TMED3: variants seen among roughly 807,000 people sequenced by gnomAD.
TMED3 encodes the protein transmembrane emp24 domain-containing protein 3.
In TMED3, 9 loss-of-function variants were observed where a neutral mutation model predicts 15.0. That is an observed-to-expected ratio of 0.60 (90% confidence interval 0.36 to 1.04). TMED3 has a LOEUF of 1.04. Among genes scored for constraint, TMED3 ranks in the 50% least tolerant of loss-of-function variants. The probability of loss-of-function intolerance (pLI) is 0.01; values close to 1 mark genes in which losing one functional copy is unlikely to be tolerated. For missense variants in TMED3, 267 were observed against 278.9 expected, an observed-to-expected ratio of 0.96 and a Z score of 0.30; for synonymous variants, 117 against 121.4, an observed-to-expected ratio of 0.96 and a Z score of 0.24.
chr15:79,311,160 T>G lies in TMED3; in HGVS notation c.-90T>G. 1 of 1,405,612 alleles carries G rather than the reference T, an allele frequency of 7.1e-7. No homozygotes were observed. The highest frequency in any genetic ancestry group is 9.4e-7 in the Non-Finnish European group (1 of 1,061,230). The allele number at this position is 1,405,612 out of a possible 1,614,324, so 87.1% of individuals were successfully genotyped here. On this transcript the variant is annotated 5_prime_UTR_variant, in exon 1 of 3. Transcript: ENST00000299705. ...CTGGTGCCACGTCTATCCCCTTACA[T>G]CCTCCTAGGACCCGGTCGGTAGTCG...
At chr15:79,314,579 G>T in intron 2 of TMED3, 1 of 455,490 alleles carries the variant, frequency 2.2e-6, no homozygotes, top group South Asian at 1.5e-5. Context: ...CAAAGGAAGA[G>T]AGAATGAGAA....
intron 2 of TMED3, among the ~76,000 whole-genome samples, chr15:79,388,295 A>G (rs1458767676): frequency 2.0e-5 from 3 of 152,154 alleles, no homozygotes; most frequent in Admixed American, 6.5e-5. Flanking sequence ...TTTTATTCCA[A>G]GTATACTAAG....
In TMED3 at chr15:79,314,048, G is replaced by A. The variant is rs372015420; in HGVS notation, c.417+43G>A. The A allele has an allele frequency of 5.6e-5, 90 of 1,604,610 alleles. 1 individual carries two copies. In the Admixed American group the frequency reaches 9.6e-4, roughly 17 times the overall value. ...GTTCGGGGCTGCTGAACCCCCTAGC[G>A]TGTTCCTCTTCATTGGCCTCTGTCT... is the stretch of plus-strand genomic sequence containing the variant. On this transcript the variant is annotated intron_variant, in intron 2 of 2. Coordinates refer to ENST00000299705, the MANE Select transcript of TMED3 (RefSeq NM_007364.4).
chr15:79,397,252 G>A (rs554912509), intron 2 of TMED3, among the ~76,000 whole-genome samples: 5 of 152,312 alleles, frequency 3.3e-5, no homozygotes, highest in Non-Finnish European at 5.9e-5. Flanking sequence ...GGTTCACAGA[G>A]GCTATCTCTT....
chr15:79,366,138 G>T (rs1437663866), intron 2 of TMED3, among the ~76,000 whole-genome samples: 1 of 152,130 alleles, frequency 6.6e-6, no homozygotes, highest in African/African-American at 2.4e-5. Context: ...TCCTGTGTAG[G>T]TAATGTATAT....
At chr15:79,343,381 G>T (rs919467797) in intron 2 of TMED3, among the ~76,000 whole-genome samples, 2 of 152,180 alleles carry the variant, frequency 1.3e-5, no homozygotes, top group Non-Finnish European at 2.9e-5. Flanking sequence ...CACGTAGATG[G>T]AATCATGCAA....
At chr15:79,406,935 AGT>A (rs1377487773) in intron 2 of TMED3, among the ~76,000 whole-genome samples, 3 of 152,188 alleles carry the variant, frequency 2.0e-5, no homozygotes, top group East Asian at 3.8e-4. Flanking sequence ...AGCATTTTCT[AGT>A]GTCAGTCCAG....
intron 2 of TMED3, among the ~76,000 whole-genome samples, chr15:79,394,200 T>G (rs1045319171): frequency 1.3e-5 from 2 of 152,140 alleles, no homozygotes; most frequent in Non-Finnish European, 2.9e-5. Context: ...CATAATAAAT[T>G]AATGAAGGTG....
At chr15:79,400,420 T>C (rs1468423702) in intron 2 of TMED3, among the ~76,000 whole-genome samples, 3 of 152,250 alleles carry the variant, frequency 2.0e-5, no homozygotes, top group African/African-American at 7.2e-5. Flanking sequence ...GAGGCAGGGA[T>C]ATCAGCTGTC....
At chr15:79,368,601 T>G (rs1225881858) in intron 2 of TMED3, among the ~76,000 whole-genome samples, 1 of 152,180 alleles carries the variant, frequency 6.6e-6, no homozygotes, top group Non-Finnish European at 1.5e-5. Context: ...TGTTTGGGTA[T>G]CTTAATAAAT....
chr15:79,379,789 T>C (rs1312454696), intron 2 of TMED3, among the ~76,000 whole-genome samples: 1 of 152,186 alleles, frequency 6.6e-6, no homozygotes, highest in Non-Finnish European at 1.5e-5. Context: ...AATGAATCAG[T>C]CTGACAGCTA....
intron 2 of TMED3, among the ~76,000 whole-genome samples, chr15:79,404,626 T>G (rs1893877796): frequency 6.6e-6 from 1 of 152,256 alleles, no homozygotes; most frequent in Non-Finnish European, 1.5e-5. Context: ...TCCTTTGTCC[T>G]TCTGACCTCT....
In TMED3 at chr15:79,373,756, A is replaced by G. The variant is rs548940200; in HGVS notation, c.418-37644A>G. Reference sequence around the variant, plus strand: ...GTTACAGCTTGGTTTTATACAGGGGAAACATAATACATCAATCAATACATG... The same window carrying G: ...GTTACAGCTTGGTTTTATACAGGGGGAACATAATACATCAATCAATACATG... On this transcript the variant is annotated intron_variant, in intron 2 of 2. Coordinates refer to the TMED3 transcript ENST00000424155. Among the ~76,000 whole-genome samples, 5 of 152,324 alleles carry G rather than the reference A, an allele frequency of 3.3e-5. No homozygotes were observed. In the South Asian group the frequency reaches 1.0e-3, roughly 32 times the overall value.
chr15:79,361,954 A>G (rs1387645658), intron 2 of TMED3, among the ~76,000 whole-genome samples: 1 of 152,206 alleles, frequency 6.6e-6, no homozygotes, highest in Non-Finnish European at 1.5e-5. Flanking sequence ...ATTGAAAAAT[A>G]AAATATCACA....
At chr15:79,364,079 G>A (rs1485593950) in intron 2 of TMED3, among the ~76,000 whole-genome samples, 1 of 152,220 alleles carries the variant, frequency 6.6e-6, no homozygotes, top group Non-Finnish European at 1.5e-5. Context: ...AGTGAGTGGA[G>A]TAGTATTTTT....
At position 79,369,045 on chromosome 15, in the gene TMED3, G is replaced by C. The variant is rs369785519; in HGVS notation, c.418-42355G>C. Among the ~76,000 whole-genome samples, 3 of 150,316 alleles carry C rather than the reference G, an allele frequency of 2.0e-5. No homozygotes were observed. The South Asian group carries it at 6.3e-4, about 32-fold the overall frequency. ...CGGAGGTCAGGTTGCAGTGAGCCGAGATCGCACCACTGTACTCCAGCCTGG... is the reference window on the plus strand; with the variant it reads ...CGGAGGTCAGGTTGCAGTGAGCCGACATCGCACCACTGTACTCCAGCCTGG... On this transcript the variant is annotated intron_variant, in intron 2 of 2. Coordinates refer to the TMED3 transcript ENST00000424155.
Position 79,322,177 on chromosome 15 carries a change from C to T in TMED3, c.617C>T (p.Thr206Ile), listed in dbSNP as rs1157099949. The change falls in exon 3 of 3, where the codon ACA (threonine) becomes ATA (isoleucine). Residue 206 changes from threonine (T) to isoleucine (I), a missense_variant. Around this residue, in one of 3 missense-constraint regions of TMED3, gnomAD observed 139 missense variants for 125.0 expected, o/e 1.11. Coordinates refer to ENST00000299705, the MANE Select transcript of TMED3 (RefSeq NM_007364.4). ...SQVLLLKSFFTEKRPISRAVH... is the reference protein window; with the variant it reads ...SQVLLLKSFFIEKRPISRAVH... ...GTGCTACTGTTGAAAAGCTTCTTCA[C>T]AGAAAAACGACCCATCAGCAGGGCA... 6.2e-7 allele frequency: 1 copy of T among 1,614,176 alleles called. No homozygotes were observed. Among genetic ancestry groups the T allele is most frequent in the South Asian group, 1.1e-5 (1 of 91,074 alleles).
intron 2 of TMED3, among the ~76,000 whole-genome samples, chr15:79,377,173 C>T (rs577377246): frequency 6.6e-6 from 1 of 152,132 alleles, no homozygotes; most frequent in South Asian, 2.1e-4. Context: ...CTCACGTGGG[C>T]CTATTTTCTT....
intron 2 of TMED3, among the ~76,000 whole-genome samples, chr15:79,390,365 T>A (rs1488042023): frequency 6.6e-6 from 1 of 152,236 alleles, no homozygotes; most frequent in African/African-American, 2.4e-5. Context: ...TTTTTGTTTT[T>A]AATTCTGTTT....
Sources: gnomAD v4.1 joint callset for allele counts (sites outside exome capture counted in the v4.1 genomes callset) on GRCh38, gnomAD v4.1.1 for gene constraint, gnomAD v4.1.1 regional missense constraint, MANE v1.5 for transcripts, NCBI Gene and HGNC (gene_info 2026-07-23, HGNC 2026-07-21) for gene names.